The following PCDHGA8 variants were observed in gnomAD, a reference collection of about 807,000 sequenced individuals.
The protein encoded by PCDHGA8 is protocadherin gamma-A8.
PCDHGA8 carries 45 observed loss-of-function variants against 59.2 expected under a neutral mutation model. That is an observed-to-expected ratio of 0.76 (90% CI 0.60 to 0.98). PCDHGA8 has a LOEUF of 0.98. Among genes scored for constraint, PCDHGA8 ranks in the 50% least tolerant of loss-of-function variants. The pLI is 0.00. For missense variants in PCDHGA8, 1,257 were observed against 1,196.2 expected, an observed-to-expected ratio of 1.05 and a Z score of -0.75; for synonymous variants, 531 against 519.0, an observed-to-expected ratio of 1.02 and a Z score of -0.32.
In PCDHGA8 at chr5:141,399,774, C is replaced by T. The variant is rs758550367; in HGVS notation, c.2424+4537C>T. The T allele has an allele frequency of 1.5e-5, 24 of 1,613,116 alleles. No homozygotes were observed. In the South Asian group the frequency reaches 2.4e-4, roughly 16 times the overall value. On this transcript the variant is annotated intron_variant, in intron 1 of 3. Transcript: ENST00000398604. Reference sequence around the variant, plus strand: ...ACGTGAGCCTGCGCGTGTTGGTGGGCGACCGAAACGACAACGCACCGCGGG... The same window carrying T: ...ACGTGAGCCTGCGCGTGTTGGTGGGTGACCGAAACGACAACGCACCGCGGG...
chr5:141,419,370 A>T, intron 1 of PCDHGA8: 1 of 1,613,692 alleles, frequency 6.2e-7, no homozygotes, highest in Non-Finnish European at 8.5e-7. Context: ...CTGTCGTCCT[A>T]CGTGTCCGTG....
intron 1 of PCDHGA8, among the ~76,000 whole-genome samples, chr5:141,434,192 A>G (rs2097676888): frequency 6.6e-6 from 1 of 152,194 alleles, no homozygotes; most frequent in Non-Finnish European, 1.5e-5. Context: ...TGTAATTCCA[A>G]TGTACTTACT....
At chr5:141,413,623 G>A (rs1454358985) in intron 1 of PCDHGA8, 2 of 1,613,752 alleles carry the variant, frequency 1.2e-6, no homozygotes, top group African/African-American at 1.3e-5. Flanking sequence ...TAATGAAAAT[G>A]TCGCTGCGGG....
At chr5:141,469,833 TTA>T (rs1343669772) in intron 1 of PCDHGA8, among the ~76,000 whole-genome samples, 2 of 152,054 alleles carry the variant, frequency 1.3e-5, no homozygotes, top group Non-Finnish European at 2.9e-5. Flanking sequence ...CACATAAAAC[TTA>T]TTCTTAAGAT....
intron 3 of PCDHGA8, among the ~76,000 whole-genome samples, chr5:141,506,943 T>A (rs2099857373): frequency 6.6e-6 from 1 of 152,192 alleles, no homozygotes; most frequent in South Asian, 2.1e-4. Context: ...GGGCCTCCTG[T>A]CAATGAATCC....
chr5:141,471,843 T>C (rs1471729261), intron 1 of PCDHGA8, among the ~76,000 whole-genome samples: 2 of 152,166 alleles, frequency 1.3e-5, no homozygotes, highest in Admixed American at 6.5e-5. Context: ...TTTAATAAAA[T>C]ATTCAGAAAA....
In PCDHGA8 at chr5:141,491,105, C is replaced by T; in HGVS notation, c.2425-3702C>T. ...ACAGCCCCAGGACTGTTCCTCGTGTCTACACACACTGGTGAGGTGCGCACA... is the reference window on the plus strand; with the variant it reads ...ACAGCCCCAGGACTGTTCCTCGTGTTTACACACACTGGTGAGGTGCGCACA... On this transcript the variant is annotated intron_variant, in intron 1 of 3. Transcript: ENST00000398604. This position sits in a 1 kb window ranked among gnomAD's most constrained non-coding sequence, Gnocchi z 6.9. 1 of 1,614,222 alleles carries T rather than the reference C, an allele frequency of 6.2e-7. No individual in the cohort carries two copies. Among genetic ancestry groups the T allele is most frequent in the Non-Finnish European group, 8.5e-7 (1 of 1,180,032 alleles).
chr5:141,408,443 A>G (rs1486863170), intron 1 of PCDHGA8: 1 of 1,613,956 alleles, frequency 6.2e-7, no homozygotes, highest in Non-Finnish European at 8.5e-7. Flanking sequence ...AGACGCGGAG[A>G]GCGGGGACTT....
chr5:141,424,786 T>G (rs1219509852), intron 1 of PCDHGA8: 1 of 152,210 alleles, frequency 6.6e-6, no homozygotes, highest in Non-Finnish European at 1.5e-5. Flanking sequence ...ATTCAGTTCT[T>G]TTATTCAGAC....
At chr5:141,440,115 A>G (rs921555018) in intron 1 of PCDHGA8, 4 of 152,250 alleles carry the variant, frequency 2.6e-5, no homozygotes, top group African/African-American at 4.8e-5. Flanking sequence ...TTACTTGTGA[A>G]TGACTGAATG....
intron 1 of PCDHGA8, chr5:141,423,692 G>T: frequency 7.1e-7 from 1 of 1,405,756 alleles, no homozygotes; most frequent in Non-Finnish European, 9.4e-7. Context: ...CCTAATTGTT[G>T]GTGTCTTGGC....
intron 1 of PCDHGA8, among the ~76,000 whole-genome samples, chr5:141,470,825 C>A (rs557419577): frequency 6.6e-6 from 1 of 152,182 alleles, no homozygotes; most frequent in Admixed American, 6.5e-5. Context: ...GTAGTTAGGA[C>A]GACAAACACA....
At chr5:141,427,808 G>C (rs756554301) in intron 1 of PCDHGA8, 1 of 1,522,948 alleles carries the variant, frequency 6.6e-7, no homozygotes, top group Non-Finnish European at 9.0e-7. Context: ...TGAGCGCACA[G>C]AGCGGGGTGG....
chr5:141,408,782 T>G (rs1561715407), intron 1 of PCDHGA8: 1 of 1,612,108 alleles, frequency 6.2e-7, no homozygotes, highest in East Asian at 2.2e-5. Flanking sequence ...ATACCCAGAG[T>G]TATCTCTGGA....
chr5:141,451,676 G>A (rs1363843426), intron 1 of PCDHGA8, among the ~76,000 whole-genome samples: 1 of 152,142 alleles, frequency 6.6e-6, no homozygotes, highest in African/African-American at 2.4e-5. Flanking sequence ...GAGCCCAGGA[G>A]TTCAAGACCA....
At chr5:141,421,921 G>T in intron 1 of PCDHGA8, 1 of 1,613,644 alleles carries the variant, frequency 6.2e-7, no homozygotes, top group Non-Finnish European at 8.5e-7. Context: ...CATTCGTGTG[G>T]TGGTCCTCGA....
rs1182148013 is a variant in PCDHGA8 at position 141,431,510 on chromosome 5, G to A, written c.2424+36273G>A. 2 of 1,613,904 alleles carry A rather than the reference G, an allele frequency of 1.2e-6. No individual in the cohort carries two copies. Among genetic ancestry groups the A allele is most frequent in the Admixed American group, 1.7e-5 (1 of 60,016 alleles). Reference sequence around the variant, plus strand: ...TGCTCAGCCCGAGTACCGCGCGAGCGTTCCGGAGAATCTGGCCTTGGGCAC... The same window carrying A: ...TGCTCAGCCCGAGTACCGCGCGAGCATTCCGGAGAATCTGGCCTTGGGCAC... On this transcript the variant is annotated intron_variant, in intron 1 of 3. Coordinates refer to ENST00000398604, the MANE Select transcript of PCDHGA8 (RefSeq NM_032088.2). The surrounding 1 kb of genome is among the most constrained non-coding windows in gnomAD (Gnocchi z 4.8).
intron 1 of PCDHGA8, chr5:141,414,744 C>T (rs1381345965): frequency 6.2e-7 from 1 of 1,614,210 alleles, no homozygotes; most frequent in Non-Finnish European, 8.5e-7. Context: ...CACTCAGATC[C>T]TTCGACTATG....
chr5:141,431,375 G>C lies in PCDHGA8; in HGVS notation c.2424+36138G>C. ...ACGCGCCCTGGACCGCGAAGAAAAG[G>C]CTGCTCACCACCTGGTCCTTACGGC... On this transcript the variant is annotated intron_variant, in intron 1 of 3. Transcript: ENST00000398604. This position sits in a 1 kb window ranked among gnomAD's most constrained non-coding sequence, Gnocchi z 4.8. 6.2e-7 allele frequency: 1 copy of C among 1,613,422 alleles called. No individual in the cohort carries two copies. The highest frequency in any genetic ancestry group is 8.5e-7 in the Non-Finnish European group (1 of 1,179,570).
Sources: gnomAD v4.1 joint callset for allele counts (sites outside exome capture counted in the v4.1 genomes callset) on GRCh38, gnomAD v4.1.1 for gene constraint, Gnocchi (gnomAD v3.1) non-coding constraint, MANE v1.5 for transcripts, NCBI Gene and HGNC (gene_info 2026-07-23, HGNC 2026-07-21) for gene names.